The following NECTIN3 variants were observed in gnomAD, a reference collection of about 807,000 sequenced individuals.
The protein encoded by NECTIN3 is nectin cell adhesion molecule 3.
In NECTIN3, 8 loss-of-function variants were observed where a neutral mutation model predicts 49.4. The observed-to-expected ratio is 0.16, with a 90% CI of 0.10 to 0.29. The LOEUF (loss-of-function observed/expected upper bound fraction) is 0.29. Among genes scored for constraint, NECTIN3 ranks in the 10% least tolerant of loss-of-function variants. The probability of loss-of-function intolerance (pLI) is 1.00; values close to 1 mark genes in which losing one functional copy is unlikely to be tolerated. For synonymous variants in NECTIN3, 277 were observed against 241.1 expected, an observed-to-expected ratio of 1.15 and a Z score of -1.38; for missense variants, 581 against 654.6, an observed-to-expected ratio of 0.89 and a Z score of 1.23.
At chr3:111,191,501 G>A (rs1203217823), upstream of NECTIN3, among the ~76,000 whole-genome samples, 2 of 151,794 alleles carry the variant, frequency 1.3e-5, no homozygotes, top group East Asian at 3.9e-4. Flanking sequence ...ACTGAAGTCT[G>A]AAGGGTAAGT....
chr3:111,174,750 GCAGA>G (rs1216853414), intron 7 of NECTIN3, among the ~76,000 whole-genome samples: 20 of 151,864 alleles, frequency 1.3e-4, no homozygotes, highest in Non-Finnish European at 2.4e-4. Context: ...GGGCGAGCAT[GCAGA>G]CAGACAGGTG....
chr3:111,167,445 A>G (rs1476451600), intron 7 of NECTIN3, among the ~76,000 whole-genome samples: 2 of 152,220 alleles, frequency 1.3e-5, no homozygotes, highest in East Asian at 1.9e-4. Flanking sequence ...AAAAAGGCCT[A>G]TGCTAGCCAT....
chr3:111,111,518 G>A (rs1485042385), intron 1 of NECTIN3, among the ~76,000 whole-genome samples: 3 of 152,036 alleles, frequency 2.0e-5, no homozygotes, highest in African/African-American at 4.8e-5. Flanking sequence ...GTTATCTATT[G>A]CCATGTAAAA....
At chr3:111,157,995 G>A (rs1423882395) in intron 7 of NECTIN3, among the ~76,000 whole-genome samples, 1 of 151,976 alleles carries the variant, frequency 6.6e-6, no homozygotes, top group African/African-American at 2.4e-5. Context: ...TTCATTTTAA[G>A]AACTGTTGCC....
intron 2 of NECTIN3, among the ~76,000 whole-genome samples, chr3:111,117,277 A>G (rs996824941): frequency 2.6e-4 from 39 of 152,114 alleles, no homozygotes; most frequent in African/African-American, 7.7e-4. Context: ...GAAAGTTCAG[A>G]AACAGGCTAA....
chr3:111,166,975 T>G (rs1272901365), intron 7 of NECTIN3, among the ~76,000 whole-genome samples: 2 of 152,210 alleles, frequency 1.3e-5, no homozygotes, highest in Non-Finnish European at 2.9e-5. Context: ...CAGATGTAAA[T>G]GTAGGTGATT....
At chr3:111,104,273 A>C (rs1385577300) in intron 1 of NECTIN3, among the ~76,000 whole-genome samples, 1 of 133,028 alleles carries the variant, frequency 7.5e-6, no homozygotes, top group African/African-American at 2.8e-5. Flanking sequence ...TCATCTTTTC[A>C]TGTGCTTGTT....
At chr3:111,124,750 G>T (rs2034092548) in intron 4 of NECTIN3, among the ~76,000 whole-genome samples, 1 of 152,048 alleles carries the variant, frequency 6.6e-6, no homozygotes, top group Non-Finnish European at 1.5e-5. Context: ...CTTCAGTGTT[G>T]ATTTGCTTCT....
chr3:111,147,619 T>C, intron 7 of NECTIN3: 1 of 767,060 alleles, frequency 1.3e-6, no homozygotes. Flanking sequence ...CATTAAATGT[T>C]GTTTAGTCAT....
intron 1 of NECTIN3, among the ~76,000 whole-genome samples, chr3:111,110,668 A>G (rs1171012182): frequency 6.6e-6 from 1 of 152,066 alleles, no homozygotes; most frequent in Admixed American, 6.6e-5. Context: ...CTTAGTAATT[A>G]TCTGTACTCT....
At chr3:111,141,315 A>G (rs1430246360), downstream of NECTIN3, among the ~76,000 whole-genome samples, 2 of 146,512 alleles carry the variant, frequency 1.4e-5, no homozygotes, top group South Asian at 2.1e-4. Flanking sequence ...AGGCCAACAC[A>G]TAAACCTGTG....
chr3:111,187,500 A>G (rs2035742554), upstream of NECTIN3, among the ~76,000 whole-genome samples: 1 of 152,360 alleles, frequency 6.6e-6, no homozygotes, highest in East Asian at 1.9e-4. Context: ...ATGTTCATAC[A>G]AAACTTGCAC....
At chr3:111,093,867 C>T (rs1217958866) in intron 1 of NECTIN3, among the ~76,000 whole-genome samples, 2 of 152,118 alleles carry the variant, frequency 1.3e-5, no homozygotes, top group Non-Finnish European at 2.9e-5. Context: ...AATGTAAAAA[C>T]AACGTAAACA....
intron 1 of NECTIN3, among the ~76,000 whole-genome samples, chr3:111,090,262 A>C (rs2107388894): frequency 6.6e-6 from 1 of 152,200 alleles, no homozygotes; most frequent in South Asian, 2.1e-4. Context: ...CTACCATCTT[A>C]CATTTTGCTT....
chr3:111,125,904 T>C (rs2034146922), intron 4 of NECTIN3, among the ~76,000 whole-genome samples: 1 of 152,138 alleles, frequency 6.6e-6, no homozygotes, highest in African/African-American at 2.4e-5. Context: ...ATTTTTTTAA[T>C]TATATTTTTT....
chr3:111,178,509 G>A (rs1021514907), intron 7 of NECTIN3, among the ~76,000 whole-genome samples: 2 of 152,156 alleles, frequency 1.3e-5, no homozygotes, highest in Non-Finnish European at 2.9e-5. Context: ...CCCTGGGCTG[G>A]GGCAGAATGG....
intron 1 of NECTIN3, among the ~76,000 whole-genome samples, chr3:111,106,193 T>C (rs972391933): frequency 1.3e-5 from 2 of 152,180 alleles, no homozygotes; most frequent in Admixed American, 1.3e-4. Context: ...AGTTCCTTGC[T>C]AATTGTCTGT....
intron 1 of NECTIN3, among the ~76,000 whole-genome samples, chr3:111,093,851 G>A (rs1213719114): frequency 6.6e-6 from 1 of 152,102 alleles, no homozygotes; most frequent in Non-Finnish European, 1.5e-5. Context: ...TTTAGATAGT[G>A]GATGGAATGT....
Position 111,135,439 on chromosome 3 carries a change from C to G in NECTIN3, c.*1224C>G. ...CATATATTCCTTCTGAATCATTTAT[C>G]TTTTGAGAAAGAAATGTTACCTAAA... On this transcript the variant is annotated 3_prime_UTR_variant, in exon 6 of 6. Transcript: ENST00000485303. 12 of 934,650 alleles carry G rather than the reference C, an allele frequency of 1.3e-5. No individual in the cohort carries two copies. Among genetic ancestry groups the G allele is most frequent in the Non-Finnish European group, 1.5e-5 (12 of 784,068 alleles). The allele number at this position is 934,650 out of a possible 1,614,324, so 57.9% of individuals were successfully genotyped here.
Sources: gnomAD v4.1 joint callset for allele counts (sites outside exome capture counted in the v4.1 genomes callset) on GRCh38, gnomAD v4.1.1 for gene constraint, MANE v1.5 for transcripts, NCBI Gene and HGNC (gene_info 2026-07-23, HGNC 2026-07-21) for gene names.